BMPR2: variants seen among roughly 807,000 people sequenced by gnomAD.
BMPR2 encodes the protein bone morphogenetic protein receptor type 2.
Under a neutral mutation model 100.8 loss-of-function variants are expected in BMPR2, and 29 were observed. The ratio of observed to expected loss-of-function variants is 0.29; its 90% CI spans 0.21 to 0.39. The LOEUF (loss-of-function observed/expected upper bound fraction) is 0.39. BMPR2 is among the 10% of genes least tolerant of loss of function. BMPR2 has a pLI of 1.00. For missense variants in BMPR2, 1,011 were observed against 1,274.5 expected (o/e 0.79, Z 3.15); for synonymous variants, 382 against 442.3 (o/e 0.86, Z 1.71).
chr2:202,555,806 C>G lies in BMPR2; in HGVS notation c.2141C>G (p.Ala714Gly). 6.2e-7 allele frequency: 1 copy of G among 1,614,076 alleles called. No individual in the cohort carries two copies. The highest frequency in any genetic ancestry group is 8.5e-7 in the Non-Finnish European group (1 of 1,180,028). Reference protein sequence around the residue: ...SSLLYPLIKLAVEATGQQDFT... With the variant: ...SSLLYPLIKLGVEATGQQDFT... ...TTGCTTTACCCACTCATAAAACTTG[C>G]AGTAGAAGCAACTGGACAGCAGGAC... Residue 714 changes from alanine to glycine, a missense_variant, in exon 12 of 13, where the codon GCA becomes GGA. Around this residue, in one of 6 missense-constraint regions of BMPR2, gnomAD observed 508 missense variants for 552.0 expected, o/e 0.92. Transcript: ENST00000374580.
chr2:202,380,413 TA>T (rs1386947313), intron 1 of BMPR2, among the ~76,000 whole-genome samples: 3 of 152,158 alleles, frequency 2.0e-5, no homozygotes, highest in African/African-American at 7.2e-5. Context: ...TATTACTGAG[TA>T]ACTGAAGTTT....
chr2:202,437,730 GTGAC>G (rs1480465630), intron 1 of BMPR2, among the ~76,000 whole-genome samples: 1 of 150,496 alleles, frequency 6.6e-6, no homozygotes, highest in Non-Finnish European at 1.5e-5. Context: ...ATAGTCTTTG[GTGAC>G]TGGCTTCTTT....
chr2:202,465,070 C>T (rs905150235), intron 2 of BMPR2, 91 bp downstream of exon 2: 6 of 1,488,062 alleles, frequency 4.0e-6, no homozygotes, highest in Non-Finnish European at 2.8e-6. Flanking sequence ...AAATCCTGTT[C>T]AGAAAAACAG....
At position 202,444,935 on chromosome 2, in the gene BMPR2, T is replaced by C. The variant is rs188858748; in HGVS notation, c.77-19874T>C. 1.3e-3 allele frequency among the ~76,000 whole-genome samples: 195 copies of C among 150,468 alleles called. 4 individuals carry two copies. The East Asian group carries it at 0.014, about 10-fold the overall frequency. Reference sequence around the variant, plus strand: ...TCCCAAGTAGCTGGGATTACAGGCATGCGCCACCATGCCTGGCTAATTTTG... The same window carrying C: ...TCCCAAGTAGCTGGGATTACAGGCACGCGCCACCATGCCTGGCTAATTTTG... On this transcript the variant is annotated intron_variant, in intron 1 of 12. Coordinates refer to ENST00000374580, the MANE Select transcript of BMPR2 (RefSeq NM_001204.7).
chr2:202,473,228 T>C (rs1053624104), intron 3 of BMPR2, among the ~76,000 whole-genome samples: 2 of 150,862 alleles, frequency 1.3e-5, no homozygotes, highest in African/African-American at 4.9e-5. Context: ...ATCCCAGGAG[T>C]TTGAGACCAG....
At chr2:202,396,570 A>C (rs1418773968) in intron 1 of BMPR2, among the ~76,000 whole-genome samples, 1 of 152,166 alleles carries the variant, frequency 6.6e-6, no homozygotes. Flanking sequence ...GTTTGGCTGC[A>C]AAAAAGTCAG....
intron 1 of BMPR2, among the ~76,000 whole-genome samples, chr2:202,383,810 C>T (rs1259486117): frequency 6.6e-6 from 1 of 151,768 alleles, no homozygotes; most frequent in African/African-American, 2.4e-5. Context: ...GAGATCGTAC[C>T]ACTGCACTCC....
chr2:202,470,807 C>T (rs1692423453), intron 3 of BMPR2, among the ~76,000 whole-genome samples: 1 of 151,926 alleles, frequency 6.6e-6, no homozygotes, highest in African/African-American at 2.4e-5. Context: ...AGGAAAGAGC[C>T]TGTAATCCCA....
chr2:202,446,173 G>A, intron 1 of BMPR2, among the ~76,000 whole-genome samples: 1 of 150,522 alleles, frequency 6.6e-6, no homozygotes, highest in East Asian at 1.9e-4. Flanking sequence ...GGCTGAGGTG[G>A]GCGGATCCCC....
At chr2:202,427,063 A>G (rs1388933031) in intron 1 of BMPR2, among the ~76,000 whole-genome samples, 1 of 152,196 alleles carries the variant, frequency 6.6e-6, no homozygotes, top group African/African-American at 2.4e-5. Context: ...GATAATATTG[A>G]AGGCGGGCTT....
At chr2:202,415,303 C>T (rs1691104841) in intron 1 of BMPR2, among the ~76,000 whole-genome samples, 1 of 152,014 alleles carries the variant, frequency 6.6e-6, no homozygotes, top group Non-Finnish European at 1.5e-5. Flanking sequence ...AACCCTGTCT[C>T]TACTAAAAAT....
intron 1 of BMPR2, among the ~76,000 whole-genome samples, chr2:202,396,369 T>C (rs1433221996): frequency 6.6e-6 from 1 of 152,216 alleles, no homozygotes; most frequent in Non-Finnish European, 1.5e-5. Flanking sequence ...GTTATCATTC[T>C]ATGTGAAGAA....
In BMPR2 at chr2:202,427,517, G is replaced by T. The variant is rs375699898; in HGVS notation, c.77-37292G>T. Among the ~76,000 whole-genome samples, 7 of 150,798 alleles carry T rather than the reference G, an allele frequency of 4.6e-5. No individual in the cohort carries two copies. The South Asian group carries it at 1.0e-3, about 23-fold the overall frequency. On this transcript the variant is annotated intron_variant, in intron 1 of 12. Transcript: ENST00000374580. ...AAGAAAAAAAAAAAACAAGAAGCAA[G>T]CCCTTAACAAGGCTTTGTTTTCCTC...
rs565318524 is a variant in BMPR2 at position 202,535,260 on chromosome 2, T to C, written c.1276+2528T>C. ...CTCACTTCCCAGACGGAGCGGCTGCTGGGCGGAGAGGCTCCTCACTTCTCA... is the reference window on the plus strand; with the variant it reads ...CTCACTTCCCAGACGGAGCGGCTGCCGGGCGGAGAGGCTCCTCACTTCTCA... On this transcript the variant is annotated intron_variant, in intron 9 of 12. Coordinates refer to ENST00000374580, the MANE Select transcript of BMPR2 (RefSeq NM_001204.7). Among the ~76,000 whole-genome samples the C allele has an allele frequency of 1.1e-3, 158 of 148,236 alleles. 1 individual carries two copies. Among genetic ancestry groups the C allele is most frequent in the African/African-American group, 3.3e-3 (133 of 39,944 alleles).
chr2:202,447,199 T>A (rs533197490), intron 1 of BMPR2, among the ~76,000 whole-genome samples: 1 of 150,012 alleles, frequency 6.7e-6, no homozygotes, highest in East Asian at 2.0e-4. Flanking sequence ...TCCCAGCTAC[T>A]TGGGAGGCTG....
At chr2:202,416,169 T>C (rs1156708976) in intron 1 of BMPR2, among the ~76,000 whole-genome samples, 1 of 152,148 alleles carries the variant, frequency 6.6e-6, no homozygotes, top group Non-Finnish European at 1.5e-5. Flanking sequence ...ACTGCAGATG[T>C]GGTGGAATAG....
intron 3 of BMPR2, among the ~76,000 whole-genome samples, chr2:202,509,092 T>C (rs1200841808): frequency 6.6e-6 from 1 of 152,194 alleles, no homozygotes; most frequent in Non-Finnish European, 1.5e-5. Context: ...ATGAGAGTGA[T>C]TTTAATAATC....
intron 1 of BMPR2, among the ~76,000 whole-genome samples, chr2:202,428,226 T>C (rs181155424): frequency 3.9e-5 from 6 of 152,148 alleles, no homozygotes; most frequent in African/African-American, 1.4e-4. Flanking sequence ...TGCACACACA[T>C]GTGTGCACAT....
At chr2:202,379,844 TTC>T (rs1357190309) in intron 1 of BMPR2, among the ~76,000 whole-genome samples, 1 of 149,898 alleles carries the variant, frequency 6.7e-6, no homozygotes, top group Non-Finnish European at 1.5e-5. Context: ...AACATTTTCT[TTC>T]TTTCTTTCTT....
Sources: allele counts gnomAD v4.1 joint callset (sites outside exome capture counted in the v4.1 genomes callset), GRCh38; gene constraint gnomAD v4.1.1; regional missense constraint gnomAD v4.1.1; transcripts MANE v1.5; gene names NCBI Gene and HGNC (gene_info 2026-07-23, HGNC 2026-07-21).